The following WDR70 variants were observed in gnomAD, a reference collection of about 807,000 sequenced individuals.
WDR70 encodes the protein WD repeat-containing protein 70.
A neutral mutation model predicts 88.6 loss-of-function variants in WDR70; 53 were observed. That is an observed-to-expected ratio of 0.60 (90% CI 0.48 to 0.75). The LOEUF is 0.75. WDR70 is among the 30% of genes least tolerant of loss of function. The pLI is 0.00. For synonymous variants in WDR70, 280 were observed against 270.0 expected, an observed-to-expected ratio of 1.04 and a Z score of -0.36; for missense variants, 610 against 823.2, an observed-to-expected ratio of 0.74 and a Z score of 3.17.
intron 10 of WDR70, among the ~76,000 whole-genome samples, chr5:37,617,080 C>T (rs1352405953): frequency 3.3e-5 from 5 of 152,146 alleles, no homozygotes; most frequent in African/African-American, 9.7e-5. Context: ...GTTCCAGGGA[C>T]CATTTCAAGT....
At chr5:37,709,326 T>C (rs538888424) in intron 13 of WDR70, among the ~76,000 whole-genome samples, 31 of 152,202 alleles carry the variant, frequency 2.0e-4, no homozygotes, top group Non-Finnish European at 4.6e-4. Flanking sequence ...GATATCAGCT[T>C]AATGAAATTT....
chr5:37,403,193 C>CT (rs1378936944), intron 5 of WDR70, among the ~76,000 whole-genome samples: 2 of 152,198 alleles, frequency 1.3e-5, no homozygotes, highest in East Asian at 3.9e-4. Flanking sequence ...AGTGATCTGC[C>CT]TGCTTCTGCC....
intron 5 of WDR70, among the ~76,000 whole-genome samples, chr5:37,409,232 C>G (rs1401446553): frequency 2.0e-5 from 3 of 152,100 alleles, no homozygotes; most frequent in African/African-American, 7.2e-5. Context: ...AGCCACCATG[C>G]CTGGCTGAAT....
At chr5:37,548,568 A>G (rs1294272353) in intron 9 of WDR70, among the ~76,000 whole-genome samples, 1 of 152,094 alleles carries the variant, frequency 6.6e-6, no homozygotes, top group Non-Finnish European at 1.5e-5. Context: ...GTAGTTTGCA[A>G]GTATTTTCTT....
At chr5:37,627,299 A>C (rs1200955187) in intron 10 of WDR70, among the ~76,000 whole-genome samples, 1 of 152,064 alleles carries the variant, frequency 6.6e-6, no homozygotes. Context: ...CGTGTTTCCC[A>C]GGAAACTTGA....
intron 10 of WDR70, among the ~76,000 whole-genome samples, chr5:37,661,399 TGTA>T (rs1554009626): frequency 1.3e-5 from 2 of 152,138 alleles, no homozygotes; most frequent in Non-Finnish European, 2.9e-5. Context: ...TATATCGAAA[TGTA>T]GTATCTGGCC....
At chr5:37,407,480 G>A (rs1044237378) in intron 5 of WDR70, among the ~76,000 whole-genome samples, 3 of 150,020 alleles carry the variant, frequency 2.0e-5, no homozygotes, top group Admixed American at 6.6e-5. Context: ...GCTAAAAATC[G>A]TACCACTGTA....
At chr5:37,499,675 C>G (rs1740346408) in intron 8 of WDR70, among the ~76,000 whole-genome samples, 1 of 149,512 alleles carries the variant, frequency 6.7e-6, no homozygotes, top group East Asian at 2.0e-4. Context: ...AAACGATCCT[C>G]CCACCTCAGC....
chr5:37,749,583 C>T (rs528414749), intron 17 of WDR70, among the ~76,000 whole-genome samples: 6 of 152,018 alleles, frequency 3.9e-5, no homozygotes, highest in East Asian at 3.9e-4. Context: ...ATTATGCATA[C>T]GTATAATGTG....
At chr5:37,557,531 T>C (rs927848921) in intron 9 of WDR70, among the ~76,000 whole-genome samples, 5 of 152,190 alleles carry the variant, frequency 3.3e-5, no homozygotes, top group African/African-American at 9.7e-5. Context: ...AGATCAGCAA[T>C]TGCAAGAGCC....
intron 10 of WDR70, among the ~76,000 whole-genome samples, chr5:37,622,434 C>T (rs1744533400): frequency 6.6e-6 from 1 of 152,052 alleles, no homozygotes; most frequent in South Asian, 2.1e-4. Flanking sequence ...TATAAAGACA[C>T]ATGCACACGT....
intron 9 of WDR70, among the ~76,000 whole-genome samples, chr5:37,533,213 T>C (rs1741551846): frequency 6.6e-6 from 1 of 152,174 alleles, no homozygotes; most frequent in African/African-American, 2.4e-5. Flanking sequence ...GTGTTTTTGT[T>C]TGGTGCGTCA....
chr5:37,562,309 T>TAAC (rs1742530803), intron 9 of WDR70, among the ~76,000 whole-genome samples: 1 of 151,964 alleles, frequency 6.6e-6, no homozygotes, highest in African/African-American at 2.4e-5. Context: ...TGAGCCAAGA[T>TAAC]AACACCATTG....
chr5:37,641,236 C>T (rs765853767), intron 10 of WDR70, among the ~76,000 whole-genome samples: 2 of 151,898 alleles, frequency 1.3e-5, no homozygotes, highest in Admixed American at 6.6e-5. Flanking sequence ...ATGCCTCAGC[C>T]TCCTGAGTAG....
intron 10 of WDR70, among the ~76,000 whole-genome samples, chr5:37,695,558 G>C (rs1746955823): frequency 6.6e-6 from 1 of 152,192 alleles, no homozygotes; most frequent in Non-Finnish European, 1.5e-5. Flanking sequence ...CAAGCTCATT[G>C]GTTGTTGGCA....
chr5:37,717,646 G>A (rs559701681), intron 13 of WDR70, among the ~76,000 whole-genome samples: 43 of 152,120 alleles, frequency 2.8e-4, no homozygotes, highest in Non-Finnish European at 4.6e-4. Flanking sequence ...GGCACGTGTC[G>A]CATTGTTGTT....
At chr5:37,499,139 A>T (rs1175237668) in intron 8 of WDR70, among the ~76,000 whole-genome samples, 2 of 150,776 alleles carry the variant, frequency 1.3e-5, no homozygotes. Context: ...TTTGAGATGA[A>T]GTCTTGCTGT....
intron 13 of WDR70, among the ~76,000 whole-genome samples, chr5:37,719,121 C>T (rs1258337288): frequency 6.6e-6 from 1 of 152,016 alleles, no homozygotes; most frequent in Non-Finnish European, 1.5e-5. Context: ...TTGTGACTCT[C>T]CTTATGTTTC....
At chr5:37,398,982 GA>G (rs1417084819) in intron 5 of WDR70, among the ~76,000 whole-genome samples, 1 of 151,712 alleles carries the variant, frequency 6.6e-6, no homozygotes, top group African/African-American at 2.4e-5. Context: ...ACTCTACTAA[GA>G]AAATACAAAA....
Sources: allele counts gnomAD v4.1 joint callset (sites outside exome capture counted in the v4.1 genomes callset), GRCh38; gene constraint gnomAD v4.1.1; transcripts MANE v1.5; gene names NCBI Gene and HGNC (gene_info 2026-07-23, HGNC 2026-07-21).